UBE2H: variants seen among roughly 807,000 people sequenced by gnomAD.
UBE2H encodes the protein ubiquitin-conjugating enzyme E2 H.
Under a neutral mutation model 29.0 loss-of-function variants are expected in UBE2H, and 3 were observed. The observed-to-expected ratio is 0.10, with a 90% CI of 0.05 to 0.27. UBE2H has a LOEUF of 0.27. Among genes scored for constraint, UBE2H ranks in the 10% least tolerant of loss-of-function variants. The pLI is 1.00. For synonymous variants in UBE2H, 69 were observed against 82.9 expected (o/e 0.83, Z 0.91); for missense variants, 68 against 228.2 (o/e 0.30, Z 4.52).
intron 1 of UBE2H, among the ~76,000 whole-genome samples, chr7:129,913,021 C>T (rs1299236845): frequency 2.6e-5 from 4 of 152,180 alleles, no homozygotes; most frequent in Admixed American, 6.5e-5. Context: ...GAGGCCAAGG[C>T]GGGTGGGTCG....
chr7:129,881,171 C>T (rs1036829025), intron 1 of UBE2H, among the ~76,000 whole-genome samples, 200 bp from the exon 2 acceptor site: 7 of 152,128 alleles, frequency 4.6e-5, no homozygotes, highest in African/African-American at 1.2e-4. Context: ...GATTCAGAGA[C>T]GGCCGTTCAA....
At position 129,928,710 on chromosome 7, in the gene UBE2H, T is replaced by C. The variant is rs541080480; in HGVS notation, c.53+23793A>G. Among the ~76,000 whole-genome samples the C allele has an allele frequency of 9.8e-5, 15 of 152,320 alleles. No individual in the cohort carries two copies. In the South Asian group the frequency reaches 2.3e-3, roughly 23 times the overall value. ...GAAGTGATAAATAAGGTGACAGATA[T>C]GCCCAATTTGATCATTACACATTGA... On this transcript the variant is annotated intron_variant, in intron 1 of 6. Coordinates refer to ENST00000355621, the MANE Select transcript of UBE2H (RefSeq NM_003344.4).
At chr7:129,835,684 AC>A (rs1206761743) in intron 6 of UBE2H, among the ~76,000 whole-genome samples, 1 of 152,178 alleles carries the variant, frequency 6.6e-6, no homozygotes, top group Non-Finnish European at 1.5e-5. Flanking sequence ...CCTTGGTGGA[AC>A]CCTAGGCTGA....
At chr7:129,921,815 T>C (rs1161005132) in intron 1 of UBE2H, among the ~76,000 whole-genome samples, 1 of 152,008 alleles carries the variant, frequency 6.6e-6, no homozygotes, top group East Asian at 1.9e-4. Context: ...GTCTAATTAC[T>C]GTTGTTTAAA....
Position 129,911,537 on chromosome 7 carries a change from G to A in UBE2H, c.54-30566C>T, listed in dbSNP as rs1431352589. On this transcript the variant is annotated intron_variant, in intron 1 of 6. Coordinates refer to ENST00000355621, the MANE Select transcript of UBE2H (RefSeq NM_003344.4). ...AGTATTGGACATGCAAGGTTTTAGG[G>A]GCCTGTTGGGATCGTCTTGGAGAGA... Among the ~76,000 whole-genome samples the A allele has an allele frequency of 4.6e-5, 7 of 152,046 alleles. No individual in the cohort carries two copies. The South Asian group carries it at 1.5e-3, about 32-fold the overall frequency.
intron 1 of UBE2H, among the ~76,000 whole-genome samples, chr7:129,883,558 T>C (rs1167358546): frequency 2.0e-5 from 3 of 152,028 alleles, no homozygotes; most frequent in East Asian, 1.9e-4. Flanking sequence ...AAAAGAAAAA[T>C]AGGCTGGGCA....
chr7:129,930,459 C>A (rs1584793248), intron 1 of UBE2H, among the ~76,000 whole-genome samples: 1 of 151,288 alleles, frequency 6.6e-6, no homozygotes, highest in Non-Finnish European at 1.5e-5. Flanking sequence ...CCACCTCATG[C>A]GGTCTACATT....
intron 1 of UBE2H, among the ~76,000 whole-genome samples, chr7:129,933,793 C>T (rs1230597132): frequency 1.3e-5 from 2 of 152,072 alleles, no homozygotes; most frequent in Non-Finnish European, 2.9e-5. Context: ...TATTCTAATC[C>T]GTTTAACAGG....
chr7:129,932,848 A>G (rs181292429), intron 1 of UBE2H, among the ~76,000 whole-genome samples: 34 of 151,126 alleles, frequency 2.2e-4, no homozygotes, highest in Admixed American at 2.0e-3. Context: ...CTGGGCAAAA[A>G]GGGCACATAA....
chr7:129,949,169 A>G (rs1260917398), intron 1 of UBE2H: 2 of 342,298 alleles, frequency 5.8e-6, no homozygotes, highest in African/African-American at 4.3e-5. Flanking sequence ...CCCACCAACA[A>G]GGAAACCCGT....
chr7:129,888,168 G>T (rs761430993), intron 1 of UBE2H, among the ~76,000 whole-genome samples: 3 of 152,134 alleles, frequency 2.0e-5, no homozygotes, highest in Admixed American at 6.5e-5. Flanking sequence ...ATTTTTAAGG[G>T]TTTTTAATGT....
At chr7:129,905,781 G>C (rs180773543) in intron 1 of UBE2H, among the ~76,000 whole-genome samples, 1 of 152,252 alleles carries the variant, frequency 6.6e-6, no homozygotes, top group African/African-American at 2.4e-5. Flanking sequence ...AGCAATCGAG[G>C]AATAAGAGAG....
At chr7:129,883,330 G>A (rs931789708) in intron 1 of UBE2H, among the ~76,000 whole-genome samples, 2 of 152,160 alleles carry the variant, frequency 1.3e-5, no homozygotes, top group African/African-American at 4.8e-5. Flanking sequence ...ACTGTTGGCA[G>A]TACTAAACCT....
intron 3 of UBE2H, among the ~76,000 whole-genome samples, chr7:129,863,808 G>GTTTTTTTTTT (rs34701981): frequency 0.019 from 2,613 of 135,598 alleles, 112 homozygotes; most frequent in African/African-American, 0.055. Flanking sequence ...AATACTAGGT[G>GTTTTTTTTTT]TTTTTTTTTT....
At chr7:129,903,234 C>G (rs1485230225) in intron 1 of UBE2H, among the ~76,000 whole-genome samples, 1 of 152,188 alleles carries the variant, frequency 6.6e-6, no homozygotes, top group African/African-American at 2.4e-5. Flanking sequence ...TATCCTTGAA[C>G]TGATTTTCAG....
chr7:129,873,766 T>C (rs1806091472), intron 3 of UBE2H, among the ~76,000 whole-genome samples: 1 of 152,148 alleles, frequency 6.6e-6, no homozygotes, highest in Non-Finnish European at 1.5e-5. Flanking sequence ...CAGCACGAGC[T>C]TGCTGGTTTT....
chr7:129,940,803 C>T (rs939895682), intron 1 of UBE2H, among the ~76,000 whole-genome samples: 1 of 152,218 alleles, frequency 6.6e-6, no homozygotes, highest in Admixed American at 6.5e-5. Context: ...TTACAATAAC[C>T]ATAGTACCTG....
chr7:129,878,303 G>C (rs1806186343), intron 3 of UBE2H, among the ~76,000 whole-genome samples: 1 of 152,124 alleles, frequency 6.6e-6, no homozygotes, highest in Non-Finnish European at 1.5e-5. Flanking sequence ...CCTATAGCAA[G>C]AAAGAAATTT....
intron 1 of UBE2H, among the ~76,000 whole-genome samples, chr7:129,909,166 A>T (rs962529212): frequency 6.6e-6 from 1 of 152,224 alleles, no homozygotes; most frequent in African/African-American, 2.4e-5. Flanking sequence ...AAGGAATACA[A>T]AACACAGGAG....
Sources: allele counts gnomAD v4.1 joint callset (sites outside exome capture counted in the v4.1 genomes callset), GRCh38; gene constraint gnomAD v4.1.1; transcripts MANE v1.5; gene names NCBI Gene and HGNC (gene_info 2026-07-23, HGNC 2026-07-21).